Variants in SMG1 observed in about 807,000 individuals in gnomAD.
SMG1 encodes SMG1 nonsense mediated mRNA decay associated PI3K related kinase, also known as serine/threonine-protein kinase SMG1.
Under a neutral mutation model 419.9 loss-of-function variants are expected in SMG1, and 22 were observed. That is an observed-to-expected ratio of 0.05 (90% CI 0.04 to 0.07). SMG1 has a LOEUF of 0.07. Among genes scored for constraint, SMG1 ranks in the 10% least tolerant of loss-of-function variants. The probability of loss-of-function intolerance (pLI) is 1.00; values close to 1 mark genes in which losing one functional copy is unlikely to be tolerated. For synonymous variants in SMG1, 1,538 were observed against 1,553.5 expected (o/e 0.99, Z 0.23); for missense variants, 3,185 against 4,342.0 (o/e 0.73, Z 7.49).
At position 18,807,239 on chromosome 16, in the gene SMG1, C is replaced by G. The variant is rs1399045175; in HGVS notation, c.*2330G>C. On this transcript the variant is annotated 3_prime_UTR_variant, in exon 63 of 63. Coordinates refer to ENST00000446231, the MANE Select transcript of SMG1 (RefSeq NM_015092.5). ...TCTGAATACTATCTATAGTGCTAAA[C>G]TAATGTGAACTGACTATCATTGCGA... 3 of 152,204 alleles carry G rather than the reference C, an allele frequency of 2.0e-5. No homozygotes were observed. In the East Asian group the frequency reaches 5.8e-4, roughly 29 times the overall value. 9.4% of individuals were successfully genotyped at this position (152,204 alleles called of 1,614,324 possible).
At chr16:18,904,611 C>A (rs1253216496) in intron 1 of SMG1, among the ~76,000 whole-genome samples, 2 of 150,978 alleles carry the variant, frequency 1.3e-5, no homozygotes, top group African/African-American at 4.9e-5. Flanking sequence ...ACACTCCAGT[C>A]TGGTGACAGA....
rs780239452 is a variant in SMG1 at position 18,876,113 on chromosome 16, T to C, written c.1890+11A>G. ...GTGGATAAAACAAAGTCATTACAATTAAAGACTCACCCCTATTAGTGAGTT... is the reference window on the plus strand; with the variant it reads ...GTGGATAAAACAAAGTCATTACAATCAAAGACTCACCCCTATTAGTGAGTT... On this transcript the variant is annotated intron_variant, in intron 13 of 62. Transcript: ENST00000446231. 11 of 1,610,874 alleles carry C rather than the reference T, an allele frequency of 6.8e-6. No homozygotes were observed. In the South Asian group the frequency reaches 1.2e-4, roughly 18 times the overall value.
At chr16:18,876,642 A>G (rs2036146632) in intron 12 of SMG1, among the ~76,000 whole-genome samples, 1 of 147,584 alleles carries the variant, frequency 6.8e-6, no homozygotes, top group African/African-American at 2.5e-5. Context: ...AAAACTGTCA[A>G]TATGAAATTT....
In SMG1 at chr16:18,859,147, T is replaced by C. The variant is rs1362604634; in HGVS notation, c.3988A>G (p.Ile1330Val). The C allele has an allele frequency of 4.6e-6, 7 of 1,535,652 alleles. No individual in the cohort carries two copies. Among genetic ancestry groups the C allele is most frequent in the African/African-American group, 1.4e-5 (1 of 73,138 alleles). ...GAAAGTCTCAGAGGTCCAATAGCGATGCGGGATGTTTGCTTCAAGTACTTT... is the reference window on the plus strand; with the variant it reads ...GAAAGTCTCAGAGGTCCAATAGCGACGCGGGATGTTTGCTTCAAGTACTTT... Reference protein sequence around the residue: ...VVKYLKQTSRIAIGPLRLSTL... With the variant: ...VVKYLKQTSRVAIGPLRLSTL... The change falls in exon 28 of 63, where the codon ATC (isoleucine) becomes GTC (valine). Residue 1330 changes from isoleucine to valine, a missense_variant. This residue lies in a region of SMG1 where 120 missense variants were observed against 193.3 expected (regional missense o/e 0.62). Coordinates refer to ENST00000446231, the MANE Select transcript of SMG1 (RefSeq NM_015092.5).
rs1596447964 is a variant in SMG1 at position 18,809,533 on chromosome 16, A to C, written c.*36T>G. 1 of 1,519,674 alleles carries C rather than the reference A, an allele frequency of 6.6e-7. No homozygotes were observed. Among genetic ancestry groups the C allele is most frequent in the Non-Finnish European group, 9.1e-7 (1 of 1,102,178 alleles). 94.1% of individuals were successfully genotyped at this position (1,519,674 alleles called of 1,614,324 possible). ...CTGAGTTGATTCTGGTGGATGTCTG[A>C]CCTCGCTTAACCAGACTCATCTACT... On this transcript the variant is annotated 3_prime_UTR_variant, in exon 63 of 63. Coordinates refer to ENST00000446231, the MANE Select transcript of SMG1 (RefSeq NM_015092.5).
At chr16:18,875,276 A>G (rs537873928) in intron 13 of SMG1, 1 of 152,750 alleles carries the variant, frequency 6.5e-6, no homozygotes, top group Admixed American at 6.5e-5. Context: ...AGGGATGCTC[A>G]CCAGTAAGTG....
At chr16:18,810,135 T>G (rs1438256563) in intron 62 of SMG1, among the ~76,000 whole-genome samples, 1 of 152,172 alleles carries the variant, frequency 6.6e-6, no homozygotes, top group African/African-American at 2.4e-5. Context: ...CTCTTAATTT[T>G]TATCCCACAG....
At position 18,872,440 on chromosome 16, in the gene SMG1, T is replaced by C. The variant is rs1158964269; in HGVS notation, c.2021+54A>G. The C allele has an allele frequency of 4.0e-6, 6 of 1,484,866 alleles. No homozygotes were observed. The Admixed American group carries it at 1.3e-4, about 32-fold the overall frequency. 92.0% of individuals were successfully genotyped at this position (1,484,866 alleles called of 1,614,324 possible). A position where few individuals can be genotyped will look rare whatever the true frequency, so the allele number is the denominator to read the frequency against. ...AACATACATCTTTAAAATCTATCCATTAAAAAAAAAAATGTTTTGTGGGGT... is the reference window on the plus strand; with the variant it reads ...AACATACATCTTTAAAATCTATCCACTAAAAAAAAAAATGTTTTGTGGGGT... On this transcript the variant is annotated intron_variant, in intron 14 of 62. Transcript: ENST00000446231.
chr16:18,889,284 C>G (rs1596604414), intron 6 of SMG1, 88 bp downstream of exon 6: 2 of 467,766 alleles, frequency 4.3e-6, no homozygotes, highest in Non-Finnish European at 7.9e-6. Context: ...TTCTATGTTT[C>G]CCTTCTTCAA....
At chr16:18,899,147 G>A (rs1312230948) in intron 1 of SMG1, among the ~76,000 whole-genome samples, 1 of 152,078 alleles carries the variant, frequency 6.6e-6, no homozygotes, top group African/African-American at 2.4e-5. Flanking sequence ...ATATAATCAA[G>A]ACAAGTTTTT....
intron 1 of SMG1, among the ~76,000 whole-genome samples, chr16:18,915,184 A>G (rs1045737465): frequency 5.3e-5 from 8 of 152,226 alleles, no homozygotes; most frequent in Admixed American, 5.2e-4. Flanking sequence ...CATGTTGGCC[A>G]GGATGGTCTT....
rs767148741 is a variant in SMG1 at position 18,896,836 on chromosome 16, G to A, written c.213C>T (p.His71=). 15 of 1,609,188 alleles carry A rather than the reference G, an allele frequency of 9.3e-6. No individual in the cohort carries two copies. The highest frequency in any genetic ancestry group is 3.3e-5 in the Admixed American group (2 of 59,810). Residue 71 remains histidine (H), a synonymous_variant, in exon 2 of 63, where the codon CAC becomes CAT. Coordinates refer to ENST00000446231, the MANE Select transcript of SMG1 (RefSeq NM_015092.5). ...TGTCAGCGTGGACTCTGGTATCATC[G>A]TGCCTTTGCCGAGACACCACAGCTG... The part of the protein sequence containing the change: ...SNSAVVSRQR[H]DDTRVHADIQ...
rs1200372735 is a variant in SMG1 at position 18,830,361 on chromosome 16, T to C, written c.8801A>G (p.His2934Arg). Residue 2934 changes from histidine to arginine, a missense_variant, in exon 52 of 63, where the codon CAT becomes CGT. By Grantham distance (29) the His-to-Arg change is conservative. Coordinates refer to ENST00000446231, the MANE Select transcript of SMG1 (RefSeq NM_015092.5). ...AHYIDVARLL[H>R]AQYGELIQPR... Reference sequence around the variant, plus strand: ...TTGGATTAATTCACCGTACTGAGCATGTAGTAGTCTACAGAAAAACAAAAG... The same window carrying C: ...TTGGATTAATTCACCGTACTGAGCACGTAGTAGTCTACAGAAAAACAAAAG... The C allele has an allele frequency of 3.1e-6, 5 of 1,613,884 alleles. No homozygotes were observed. Among genetic ancestry groups the C allele is most frequent in the Admixed American group, 1.7e-5 (1 of 59,976 alleles).
chr16:18,864,186 ACTTT>A (rs2141515615), intron 23 of SMG1, 42 bp from the exon 24 acceptor site: 6 of 912,814 alleles, frequency 6.6e-6, no homozygotes, highest in Middle Eastern at 3.9e-4. Context: ...TTATCTACTT[ACTTT>A]TTTTTTTTTT....
chr16:18,907,349 T>A (rs1468944362), intron 1 of SMG1, among the ~76,000 whole-genome samples: 1 of 152,130 alleles, frequency 6.6e-6, no homozygotes. Context: ...ACTTTCTCCT[T>A]GCATTTATTT....
chr16:18,809,709 A>G, intron 62 of SMG1, 63 bp from the exon 63 acceptor site: 1 of 1,294,182 alleles, frequency 7.7e-7, no homozygotes, highest in East Asian at 2.5e-5. Context: ...CTGCTGAATT[A>G]CAATCAGCAG....
chr16:18,910,122 A>C (rs2037733718), intron 1 of SMG1, among the ~76,000 whole-genome samples: 1 of 151,638 alleles, frequency 6.6e-6, no homozygotes, highest in South Asian at 2.1e-4. Flanking sequence ...TCTTTGAGAC[A>C]GTGGCACAAT....
chr16:18,902,550 ACTAGC>A (rs1420278414), intron 1 of SMG1, among the ~76,000 whole-genome samples: 3 of 151,934 alleles, frequency 2.0e-5, no homozygotes, highest in Non-Finnish European at 4.4e-5. Flanking sequence ...ATATAGAAAA[ACTAGC>A]CAGGCGAGGT....
In SMG1 at chr16:18,809,361, G is replaced by A; in HGVS notation, c.*208C>T. Reference sequence around the variant, plus strand: ...TGCTTTCCTTCACCCTTGACCCTGGGGTTGCAGGCCATGGTGTTGGGCGTA... The same window carrying A: ...TGCTTTCCTTCACCCTTGACCCTGGAGTTGCAGGCCATGGTGTTGGGCGTA... On this transcript the variant is annotated 3_prime_UTR_variant, in exon 63 of 63. Coordinates refer to ENST00000446231, the MANE Select transcript of SMG1 (RefSeq NM_015092.5). 3.7e-6 allele frequency: 2 copies of A among 540,570 alleles called. No homozygotes were observed. Among genetic ancestry groups the A allele is most frequent in the South Asian group, 5.2e-5 (2 of 38,758 alleles). The allele number at this position is 540,570 out of a possible 1,614,324, so 33.5% of individuals were successfully genotyped here.
Sources: gnomAD v4.1 joint callset for allele counts (sites outside exome capture counted in the v4.1 genomes callset) on GRCh38, gnomAD v4.1.1 for gene constraint, gnomAD v4.1.1 regional missense constraint, MANE v1.5 for transcripts, NCBI Gene and HGNC (gene_info 2026-07-23, HGNC 2026-07-21) for gene names.